Variants in COMMD10 observed in about 807,000 individuals in gnomAD.
The protein encoded by COMMD10 is COMM domain-containing protein 10.
A neutral mutation model predicts 28.9 loss-of-function variants in COMMD10; 33 were observed. The observed-to-expected ratio is 1.14, with a 90% CI of 0.87 to 1.53. The LOEUF (loss-of-function observed/expected upper bound fraction) is 1.53. Ranked by LOEUF, COMMD10 falls within the 40% of genes most tolerant of loss-of-function variation. The pLI, the probability that COMMD10 is intolerant of heterozygous loss-of-function variation, is 0.00. For synonymous variants in COMMD10, 110 were observed against 81.7 expected (o/e 1.35, Z -1.87); for missense variants, 310 against 233.4 (o/e 1.33, Z -2.14).
rs566162733 is a variant in COMMD10 at position 116,184,056 on chromosome 5, A to G, written c.510+49878A>G. Among the ~76,000 whole-genome samples the G allele has an allele frequency of 5.3e-4, 81 of 152,244 alleles. 3 individuals are homozygous for G. Among genetic ancestry groups the G allele is most frequent in the Middle Eastern group, 3.4e-3 (1 of 294 alleles). On this transcript the variant is annotated intron_variant, in intron 5 of 6. Transcript: ENST00000274458. Reference sequence around the variant, plus strand: ...GTTGTTCTCAAATTCCAAATACTAAATTACTGAGGTCATGATGCTTTGGGG... The same window carrying G: ...GTTGTTCTCAAATTCCAAATACTAAGTTACTGAGGTCATGATGCTTTGGGG...
At chr5:116,272,670 G>C (rs1158020994) in intron 5 of COMMD10, among the ~76,000 whole-genome samples, 2 of 151,786 alleles carry the variant, frequency 1.3e-5, no homozygotes, top group Admixed American at 6.6e-5. Flanking sequence ...TGGAAGAAAT[G>C]CTTCGGAATC....
At chr5:116,215,695 AATATATATATATATATATATATAT>A (rs58135204) in intron 5 of COMMD10, among the ~76,000 whole-genome samples, 3 of 133,828 alleles carry the variant, frequency 2.2e-5, no homozygotes, top group Admixed American at 7.8e-5. Context: ...TAAAAAAAGA[AATATATATATATATATATATATAT>A]ATATATATAT....
chr5:116,175,442 T>A lies in COMMD10; in HGVS notation c.510+41264T>A, dbSNP rs535696251. ...ATTACCGGTGGCAATGAATGTAAAATTGTATAGCCACTCTGGAAAACAATA... is the reference window on the plus strand; with the variant it reads ...ATTACCGGTGGCAATGAATGTAAAAATGTATAGCCACTCTGGAAAACAATA... On this transcript the variant is annotated intron_variant, in intron 5 of 6. Coordinates refer to ENST00000274458, the MANE Select transcript of COMMD10 (RefSeq NM_016144.4). 2.6e-5 allele frequency among the ~76,000 whole-genome samples: 4 copies of A among 152,192 alleles called. No individual in the cohort carries two copies. The South Asian group carries it at 8.3e-4, about 32-fold the overall frequency.
At chr5:116,175,687 G>T (rs973496423) in intron 5 of COMMD10, among the ~76,000 whole-genome samples, 1 of 152,062 alleles carries the variant, frequency 6.6e-6, no homozygotes, top group African/African-American at 2.4e-5. Context: ...GATATTATTC[G>T]GTCATAAAAA....
Position 116,293,257 on chromosome 5 carries a change from T to G in COMMD10, c.*768T>G, listed in dbSNP as rs1333363678. The G allele has an allele frequency of 5.7e-6, 2 of 351,988 alleles. No individual in the cohort carries two copies. Among genetic ancestry groups the G allele is most frequent in the Non-Finnish European group, 1.0e-5 (2 of 197,282 alleles). The allele number at this position is 351,988 out of a possible 1,614,324, so 21.8% of individuals were successfully genotyped here. A position where few individuals can be genotyped will look rare whatever the true frequency, so the allele number is the denominator to read the frequency against. On this transcript the variant is annotated 3_prime_UTR_variant, in exon 7 of 7. Transcript: ENST00000274458. The stretch of plus-strand genomic sequence containing the variant: ...TATTCTCTTTCCATAAATACGTTGA[T>G]TTCTGTCAATAAAATTTTTGTGTCT...
At chr5:116,283,953 G>C (rs1486324559) in intron 5 of COMMD10, among the ~76,000 whole-genome samples, 1 of 151,648 alleles carries the variant, frequency 6.6e-6, no homozygotes, top group Non-Finnish European at 1.5e-5. Flanking sequence ...AATATAGTGA[G>C]ACCCTGTCTC....
intron 5 of COMMD10, among the ~76,000 whole-genome samples, chr5:116,136,282 A>G (rs1752022495): frequency 6.6e-6 from 1 of 152,218 alleles, no homozygotes. Context: ...TGAGTAAGTT[A>G]TTCCTTTAGG....
chr5:116,119,836 G>C (rs892608210), intron 4 of COMMD10, among the ~76,000 whole-genome samples: 1 of 152,028 alleles, frequency 6.6e-6, no homozygotes, highest in African/African-American at 2.4e-5. Context: ...GGCTGGTCTT[G>C]AACTCTTGGC....
intron 1 of COMMD10, among the ~76,000 whole-genome samples, chr5:116,086,750 G>T (rs558383360): frequency 6.6e-6 from 1 of 152,322 alleles, no homozygotes; most frequent in South Asian, 2.1e-4. Flanking sequence ...GTGAGCCACT[G>T]CAGGACTGAT....
At chr5:116,209,125 T>C (rs2112631595) in intron 5 of COMMD10, among the ~76,000 whole-genome samples, 1 of 152,292 alleles carries the variant, frequency 6.6e-6, no homozygotes, top group South Asian at 2.1e-4. Flanking sequence ...ATCAACTTTT[T>C]TTTTCTTTTT....
At chr5:116,256,869 G>C (rs542521162) in intron 5 of COMMD10, among the ~76,000 whole-genome samples, 2 of 151,772 alleles carry the variant, frequency 1.3e-5, no homozygotes, top group East Asian at 3.9e-4. Flanking sequence ...TGTGGTGTTT[G>C]GCATCACTGT....
At chr5:116,192,753 T>C (rs1194904009) in intron 5 of COMMD10, among the ~76,000 whole-genome samples, 1 of 152,146 alleles carries the variant, frequency 6.6e-6, no homozygotes, top group Non-Finnish European at 1.5e-5. Flanking sequence ...GATGGAATCA[T>C]CCAGGAAAAC....
intron 5 of COMMD10, among the ~76,000 whole-genome samples, chr5:116,190,678 T>C (rs1167402143): frequency 6.6e-6 from 1 of 152,228 alleles, no homozygotes; most frequent in Non-Finnish European, 1.5e-5. Flanking sequence ...GAATACCTCT[T>C]ATTTATGTTT....
At chr5:116,196,748 T>C (rs1426412077) in intron 5 of COMMD10, among the ~76,000 whole-genome samples, 1 of 151,750 alleles carries the variant, frequency 6.6e-6, no homozygotes, top group Non-Finnish European at 1.5e-5. Flanking sequence ...GAATGGCTTT[T>C]CACAGTCTAT....
Position 116,219,649 on chromosome 5 carries a change from C to A in COMMD10, c.511-71868C>A, listed in dbSNP as rs1351444534. ...GCCCTGCTGACTCCTTGTTTTCTGC[C>A]CAGTGAAACTATTTTGGACTTTGTG... On this transcript the variant is annotated intron_variant, in intron 5 of 6. Transcript: ENST00000274458. Among the ~76,000 whole-genome samples, 3 of 152,086 alleles carry A rather than the reference C, an allele frequency of 2.0e-5. 1 individual carries two copies. In the South Asian group the frequency reaches 6.2e-4, roughly 32 times the overall value.
intron 5 of COMMD10, among the ~76,000 whole-genome samples, chr5:116,276,516 A>C (rs1459748391): frequency 6.6e-6 from 1 of 151,852 alleles, no homozygotes; most frequent in Admixed American, 6.6e-5. Context: ...GATTACAGGC[A>C]TGAGCCACCA....
chr5:116,112,778 A>G (rs983679585), intron 4 of COMMD10, among the ~76,000 whole-genome samples: 1 of 151,954 alleles, frequency 6.6e-6, no homozygotes, highest in Non-Finnish European at 1.5e-5. Flanking sequence ...GTGGTATATG[A>G]GATTTTGTTC....
At chr5:116,261,752 A>T (rs959145985) in intron 5 of COMMD10, among the ~76,000 whole-genome samples, 1 of 151,548 alleles carries the variant, frequency 6.6e-6, no homozygotes, top group Non-Finnish European at 1.5e-5. Flanking sequence ...TCACTTATCA[A>T]CTTAAACTGT....
chr5:116,237,499 A>T (rs1749699137), intron 5 of COMMD10, among the ~76,000 whole-genome samples: 1 of 152,174 alleles, frequency 6.6e-6, no homozygotes, highest in African/African-American at 2.4e-5. Flanking sequence ...TTTATTTTAA[A>T]ATGTAGATAA....
Sources: gnomAD v4.1 joint callset for allele counts (sites outside exome capture counted in the v4.1 genomes callset) on GRCh38, gnomAD v4.1.1 for gene constraint, MANE v1.5 for transcripts, NCBI Gene and HGNC (gene_info 2026-07-23, HGNC 2026-07-21) for gene names.